Variants in MAPK13 observed in about 807,000 individuals in gnomAD.
MAPK13 encodes MAP kinase 13.
MAPK13 carries 39 observed loss-of-function variants against 53.5 expected under a neutral mutation model. The observed-to-expected ratio is 0.73, with a 90% confidence interval of 0.56 to 0.95. The LOEUF is 0.95. Ranked by LOEUF, MAPK13 falls within the 40% of genes least tolerant of loss-of-function variation. MAPK13 has a pLI of 0.00. For synonymous variants in MAPK13, 179 were observed against 190.9 expected (o/e 0.94, Z 0.51); for missense variants, 460 against 471.8 (o/e 0.98, Z 0.23).
chr6:36,136,609 C>T (rs1209060784), intron 6 of MAPK13, 47 bp from the exon 7 acceptor site: 4 of 1,609,576 alleles, frequency 2.5e-6, no homozygotes. Flanking sequence ...CTCCCAGAGC[C>T]TCCTCCCCTC....
rs1766495045 is a variant in MAPK13, at chr6:36,139,666, C to T, written c.*293C>T. On this transcript the variant is annotated 3_prime_UTR_variant, in exon 12 of 12. Transcript: ENST00000211287. ...GTGGGCGCTGAGCCAGGCCGGGGGCCTATGGCAGTGATGCTGTGTTGGTTT... is the reference window on the plus strand; with the variant it reads ...GTGGGCGCTGAGCCAGGCCGGGGGCTTATGGCAGTGATGCTGTGTTGGTTT... 2.4e-6 allele frequency: 1 copy of T among 415,962 alleles called. No homozygotes were observed. Among genetic ancestry groups the T allele is most frequent in the Non-Finnish European group, 4.4e-6 (1 of 226,952 alleles). The allele number at this position is 415,962 out of a possible 1,614,324, so 25.8% of individuals were successfully genotyped here.
rs1386533855 is a variant in MAPK13, at chr6:36,130,818, C to CAGCG, written c.119+118_119+121dup. 1 of 553,428 alleles carries CAGCG rather than the reference C, an allele frequency of 1.8e-6. No individual in the cohort carries two copies. The highest frequency in any genetic ancestry group is 2.0e-5 in the African/African-American group (1 of 49,214). 34.3% of individuals were successfully genotyped at this position (553,428 alleles called of 1,614,324 possible). A position where few individuals can be genotyped will look rare whatever the true frequency, so the allele number is the denominator to read the frequency against. ...CACCTTGACCGCGGACCTCAAGGCC[C>CAGCG]AGCGCCCTCCCCGGGGCCACCCAGC... On this transcript the variant is annotated intron_variant, in intron 1 of 11. Transcript: ENST00000211287. The surrounding 1 kb of genome is among the most constrained non-coding windows in gnomAD (Gnocchi z 4.5).
rs917797567 is a variant in MAPK13 at position 36,139,445 on chromosome 6, C to T, written c.*72C>T. 1 of 1,281,708 alleles carries T rather than the reference C, an allele frequency of 7.8e-7. No homozygotes were observed. The highest frequency in any genetic ancestry group is 1.1e-6 in the Non-Finnish European group (1 of 880,046). The allele number at this position is 1,281,708 out of a possible 1,614,324, so 79.4% of individuals were successfully genotyped here. On this transcript the variant is annotated 3_prime_UTR_variant, in exon 12 of 12. Transcript: ENST00000211287. ...AGTATTTGTCACTACCAAACTCAGC[C>T]CTTCTTGGAATACAGCCTTTCAAGC...
chr6:36,139,362 A>T lies in MAPK13; in HGVS notation c.1087A>T (p.Met363Leu). Residue 363 changes from methionine (M) to leucine (L), a missense_variant, in exon 12 of 12, where the codon ATG becomes TTG. Physicochemically the swap from Met to Leu is conservative, Grantham distance 15. Transcript: ENST00000211287. ...ARKDSRRRSG[M>L]KL Reference sequence around the variant, plus strand: ...GAAGGACTCACGGCGCCGGAGTGGCATGAAGCTGTAGGGACTCATCTTGCA... The same window carrying T: ...GAAGGACTCACGGCGCCGGAGTGGCTTGAAGCTGTAGGGACTCATCTTGCA... 1 of 1,614,138 alleles carries T rather than the reference A, an allele frequency of 6.2e-7. No homozygotes were observed. The highest frequency in any genetic ancestry group is 8.5e-7 in the Non-Finnish European group (1 of 1,180,008).
chr6:36,138,274 A>G (rs1227390759), intron 8 of MAPK13, 91 bp from the exon 9 acceptor site: 1 of 947,148 alleles, frequency 1.1e-6, no homozygotes, highest in African/African-American at 1.6e-5. Flanking sequence ...ATCAGTTGCC[A>G]TGGTGCCCGG....
At chr6:36,131,422 GA>G (rs1243678294) in intron 2 of MAPK13, 22 bp downstream of exon 2, 1 of 1,605,250 alleles carries the variant, frequency 6.2e-7, no homozygotes, top group South Asian at 1.1e-5. Context: ...CTGCCCCGGG[GA>G]GGGGGTGGGG....
Position 36,131,252 on chromosome 6 carries a change from A to G in MAPK13, c.120-19A>G, listed in dbSNP as rs1581878289. ...CCCAGGAGGAGAGCCTCGCCTGCTG[A>G]CCGGCCTGTGCCCGACAGCTCGGCC... On this transcript the variant is annotated intron_variant, in intron 1 of 11. Coordinates refer to ENST00000211287, the MANE Select transcript of MAPK13 (RefSeq NM_002754.5). The G allele has an allele frequency of 6.2e-7, 1 of 1,607,422 alleles. No individual in the cohort carries two copies. The highest frequency in any genetic ancestry group is 8.5e-7 in the Non-Finnish European group (1 of 1,175,890).
chr6:36,131,243 C>T (rs1205891714), intron 1 of MAPK13, 28 bp from the exon 2 acceptor site: 1 of 1,603,426 alleles, frequency 6.2e-7, no homozygotes, highest in Non-Finnish European at 8.5e-7. Context: ...AGGAGAGCCT[C>T]GCCTGCTGAC....
At chr6:36,139,106 C>A in intron 11 of MAPK13, 51 bp downstream of exon 11, 2 of 1,527,732 alleles carry the variant, frequency 1.3e-6, no homozygotes, top group Admixed American at 2.1e-5. Context: ...GCCTCTCTTC[C>A]TTGCTTCCTC....
chr6:36,131,325 AC>A lies in MAPK13; in HGVS notation c.177del (p.Gln61SerfsTer16). On this transcript the variant is annotated frameshift_variant, in exon 2 of 12. Coordinates refer to ENST00000211287, the MANE Select transcript of MAPK13 (RefSeq NM_002754.5). LOFTEE classifies it high-confidence loss of function. Reference protein sequence around the residue: ...EKVAIKKLSRPFQSEIFAKRA... With the variant: ...EKVAIKKLSRXFQSEIFAKRA... ...AGGTGGCCATCAAGAAGCTGAGCCG[AC>A]CCTTTCAGTCCGAGATCTTCGCCAA... The A allele has an allele frequency of 6.2e-7, 1 of 1,612,172 alleles. No individual in the cohort carries two copies. The highest frequency in any genetic ancestry group is 8.5e-7 in the Non-Finnish European group (1 of 1,179,400).
rs1766590335 is a variant in MAPK13, at chr6:36,144,291, C to T, written c.*4918C>T. ...AACGTGATACTATGTGTATAGGTTT[C>T]TTTATTAACATATTGAATAAAAAGA... On this transcript the variant is annotated 3_prime_UTR_variant, in exon 12 of 12. Transcript: ENST00000211287. 6.6e-6 allele frequency: 1 copy of T among 151,992 alleles called. No homozygotes were observed. The highest frequency in any genetic ancestry group is 1.5e-5 in the Non-Finnish European group (1 of 67,952). The allele number at this position is 151,992 out of a possible 1,614,324, so 9.4% of individuals were successfully genotyped here.
intron 1 of MAPK13, 178 bp from the exon 2 acceptor site, chr6:36,131,093 C>T: frequency 1.5e-6 from 1 of 647,892 alleles, no homozygotes; most frequent in African/African-American, 1.8e-5. Context: ...CGCTGTGCCC[C>T]TCTCTCAGCT....
At position 36,131,319 on chromosome 6, in the gene MAPK13, G is replaced by A. The variant is rs781105675; in HGVS notation, c.168G>A (p.Leu56=). The A allele has an allele frequency of 2.5e-6, 4 of 1,613,736 alleles. No individual in the cohort carries two copies. The highest frequency in any genetic ancestry group is 2.7e-5 in the African/African-American group (2 of 74,888). Residue 56 remains leucine (L), a synonymous_variant, in exon 2 of 12, where the codon CTG becomes CTA. Coordinates refer to ENST00000211287, the MANE Select transcript of MAPK13 (RefSeq NM_002754.5). ...RSGEKVAIKK[L]SRPFQSEIFA... ...GGGAGAAGGTGGCCATCAAGAAGCT[G>A]AGCCGACCCTTTCAGTCCGAGATCT...
rs1766515563 is a variant in MAPK13, at chr6:36,140,649, AGT to A, written c.*1278_*1279del. Reference sequence around the variant, plus strand: ...TATCAGACCATAGTTCGAGACATTTAGTGGATTTCAGTCATACTTGATTTGTT... The same window carrying A: ...TATCAGACCATAGTTCGAGACATTTAGGATTTCAGTCATACTTGATTTGTT... On this transcript the variant is annotated 3_prime_UTR_variant, in exon 12 of 12. Transcript: ENST00000211287. 1.3e-5 allele frequency: 2 copies of A among 152,654 alleles called. No homozygotes were observed. Among genetic ancestry groups the A allele is most frequent in the African/African-American group, 4.8e-5 (2 of 41,440 alleles). The allele number at this position is 152,654 out of a possible 1,614,324, so 9.5% of individuals were successfully genotyped here. A position where few individuals can be genotyped will look rare whatever the true frequency, so the allele number is the denominator to read the frequency against.
Position 36,135,791 on chromosome 6 carries a change from A to G in MAPK13, c.347A>G (p.Lys116Arg). ...CCCTTCATGCAGACGGATCTGCAGA[A>G]GATCATGGGGATGGAGTTCAGTGAG... ...VMPFMQTDLQKIMGMEFSEEK... is the reference protein window; with the variant it reads ...VMPFMQTDLQRIMGMEFSEEK... Residue 116 changes from lysine to arginine, a missense_variant, in exon 4 of 12, where the codon AAG (lysine) becomes AGG (arginine). Physicochemically the swap from Lys to Arg is conservative, Grantham distance 26. Coordinates refer to ENST00000211287, the MANE Select transcript of MAPK13 (RefSeq NM_002754.5). The G allele has an allele frequency of 6.2e-7, 1 of 1,614,082 alleles. No homozygotes were observed. Among genetic ancestry groups the G allele is most frequent in the Admixed American group, 1.7e-5 (1 of 60,026 alleles).
In MAPK13 at chr6:36,132,599, TCACA is replaced by T. The variant is rs765913917; in HGVS notation, c.250-21_250-18del. 3.1e-6 allele frequency: 5 copies of T among 1,613,276 alleles called. No homozygotes were observed. In the East Asian group the frequency reaches 1.1e-4, roughly 36 times the overall value. On this transcript the variant is annotated intron_variant, in intron 2 of 11. Transcript: ENST00000211287. ...GGAGAAGGTAGCGTCTGTCTAGCCCTCACAGGTGACTTCTTCCCCAGGTCATTGG... is the reference window on the plus strand; with the variant it reads ...GGAGAAGGTAGCGTCTGTCTAGCCCTGGTGACTTCTTCCCCAGGTCATTGG...
chr6:36,135,292 G>C (rs1411979345), intron 3 of MAPK13, among the ~76,000 whole-genome samples: 1 of 152,198 alleles, frequency 6.6e-6, no homozygotes, highest in Admixed American at 6.5e-5. Flanking sequence ...CCTGGAAACT[G>C]TTGTATTGTT....
intron 2 of MAPK13, 116 bp downstream of exon 2, chr6:36,131,516 A>G: frequency 9.7e-7 from 1 of 1,025,654 alleles, no homozygotes. Context: ...TGCTCCCCTG[A>G]CGGTGCCTCT....
chr6:36,130,738 C>T lies in MAPK13; in HGVS notation c.119+37C>T, dbSNP rs571435351. The T allele has an allele frequency of 2.0e-6, 1 of 500,934 alleles. No individual in the cohort carries two copies. Among genetic ancestry groups the T allele is most frequent in the Non-Finnish European group, 2.9e-6 (1 of 341,654 alleles). 31.0% of individuals were successfully genotyped at this position (500,934 alleles called of 1,614,324 possible). On this transcript the variant is annotated intron_variant, in intron 1 of 11. Coordinates refer to ENST00000211287, the MANE Select transcript of MAPK13 (RefSeq NM_002754.5). The surrounding 1 kb of genome is among the most constrained non-coding windows in gnomAD (Gnocchi z 4.5). ...GGGCCGCTGGGGGGCGGGGGGCGGG[C>T]GCCAGGCTCTCCCCTTTCCGCCCAG...
Sources: gnomAD v4.1 joint callset for allele counts (sites outside exome capture counted in the v4.1 genomes callset) on GRCh38, gnomAD v4.1.1 for gene constraint, Gnocchi (gnomAD v3.1) non-coding constraint, MANE v1.5 for transcripts, NCBI Gene and HGNC (gene_info 2026-07-23, HGNC 2026-07-21) for gene names.